The following FRMD6 variants were observed in gnomAD, a reference collection of about 807,000 sequenced individuals.
The protein encoded by FRMD6 is FERM domain containing 6.
FRMD6 carries 37 observed loss-of-function variants against 73.2 expected under a neutral mutation model. The ratio of observed to expected loss-of-function variants is 0.51; its 90% CI spans 0.39 to 0.66. The LOEUF is 0.66. Ranked by LOEUF, FRMD6 falls within the 30% of genes least tolerant of loss-of-function variation. FRMD6 has a pLI of 0.00. For synonymous variants in FRMD6, 273 were observed against 282.2 expected, an observed-to-expected ratio of 0.97 and a Z score of 0.33; for missense variants, 714 against 780.5, an observed-to-expected ratio of 0.91 and a Z score of 1.02.
In FRMD6 at chr14:51,715,390, G is replaced by C. The variant is rs183256622; in HGVS notation, c.915G>C (p.Gly305=). 3.7e-6 allele frequency: 6 copies of C among 1,613,542 alleles called. No homozygotes were observed. Among genetic ancestry groups the C allele is most frequent in the Non-Finnish European group, 5.1e-6 (6 of 1,179,724 alleles). Residue 305 remains glycine (G), a synonymous_variant, in exon 10 of 14, where the codon GGG becomes GGC. Transcript: ENST00000344768. ...CCCGGAAGCTCATATACTACACGGG[G>C]TGCCCCATGCGCTCCAGACACCTCC... ...PSARKLIYYT[G]CPMRSRHLLQ...
chr14:51,502,565 C>G (rs1018702456), intron 1 of FRMD6, among the ~76,000 whole-genome samples: 4 of 151,992 alleles, frequency 2.6e-5, no homozygotes, highest in Non-Finnish European at 5.9e-5. Context: ...TATGTGTCTG[C>G]TCTTGTACAA....
chr14:51,485,751 G>A (rs928626002), upstream of FRMD6, among the ~76,000 whole-genome samples: 1 of 152,184 alleles, frequency 6.6e-6, no homozygotes, highest in Admixed American at 6.5e-5. Flanking sequence ...TGGCTCGGTT[G>A]AAGATTATAT....
chr14:51,422,058 T>G, the FRMD6 span, among the ~76,000 whole-genome samples: 1 of 152,218 alleles, frequency 6.6e-6, no homozygotes, highest in Non-Finnish European at 1.5e-5. Context: ...TCACTTCCCT[T>G]TTTTATTTCT....
the FRMD6 span, among the ~76,000 whole-genome samples, chr14:51,429,744 T>A: frequency 6.6e-6 from 1 of 152,186 alleles, no homozygotes; most frequent in Admixed American, 6.5e-5. Context: ...ATTTTCCCCA[T>A]CTTATTTTTA....
At chr14:51,651,758 C>A (rs1286753500), upstream of FRMD6, 2 of 145,424 alleles carry the variant, frequency 1.4e-5, no homozygotes, top group Non-Finnish European at 3.0e-5. Flanking sequence ...GCGCAGCTCC[C>A]GCGGCTCGGC....
chr14:51,721,692 CAGGAAGGAAGGAAGGAAGGA>C (rs112816584), intron 11 of FRMD6, among the ~76,000 whole-genome samples: 5 of 104,382 alleles, frequency 4.8e-5, no homozygotes, highest in Non-Finnish European at 7.5e-5. Context: ...AAAATGGTCC[CAGGAAGGAAGGAAGGAAGGA>C]AGGAAGGGAG....
chr14:51,518,258 A>G (rs1884747592), intron 1 of FRMD6, among the ~76,000 whole-genome samples: 1 of 152,180 alleles, frequency 6.6e-6, no homozygotes, highest in Non-Finnish European at 1.5e-5. Context: ...GTCTCATCTC[A>G]TGGCACAACA....
At chr14:51,465,192 C>T in the FRMD6 span, among the ~76,000 whole-genome samples, 79,465 of 151,984 alleles carry the variant, frequency 0.52, 21,134 homozygotes, top group East Asian at 0.71. Flanking sequence ...AGACAAAAAA[C>T]GATAATGCTA....
At chr14:51,623,628 TCA>T (rs780948235) in intron 2 of FRMD6, among the ~76,000 whole-genome samples, 1 of 152,188 alleles carries the variant, frequency 6.6e-6, no homozygotes, top group Non-Finnish European at 1.5e-5. Context: ...TTCCCAGATA[TCA>T]CAGTTTCCTG....
chr14:51,530,251 A>G (rs1052111365), intron 1 of FRMD6, among the ~76,000 whole-genome samples: 4 of 152,186 alleles, frequency 2.6e-5, no homozygotes, highest in Non-Finnish European at 4.4e-5. Flanking sequence ...GGGTTACTGT[A>G]GCTCTCTTCC....
At chr14:51,419,409 A>C in the FRMD6 span, among the ~76,000 whole-genome samples, 12 of 152,174 alleles carry the variant, frequency 7.9e-5, no homozygotes, top group Non-Finnish European at 1.5e-4. Context: ...GTAATTCCAA[A>C]GTGCTGGGAT....
At chr14:51,412,990 A>ATTTTTTTTTTTTT in the FRMD6 span, among the ~76,000 whole-genome samples, 6 of 134,138 alleles carry the variant, frequency 4.5e-5, no homozygotes, top group African/African-American at 1.7e-4. Context: ...CCATAGTTAA[A>ATTTTTTTTTTTTT]TTTTTTTTTT....
chr14:51,686,907 A>C (rs983326441), intron 1 of FRMD6, among the ~76,000 whole-genome samples: 1 of 152,160 alleles, frequency 6.6e-6, no homozygotes, highest in Non-Finnish European at 1.5e-5. Context: ...TTGCCATTTC[A>C]TTGGAGCCTT....
chr14:51,547,912 G>A (rs1327516484), intron 1 of FRMD6: 1 of 151,834 alleles, frequency 6.6e-6, no homozygotes, highest in Non-Finnish European at 1.5e-5. Context: ...ACTATCTTGG[G>A]TCTTTTGTAA....
intron 11 of FRMD6, among the ~76,000 whole-genome samples, 196 bp from the exon 12 acceptor site, chr14:51,721,753 A>AGGAGGGAAGGAG (rs1555340789): frequency 1.2e-3 from 133 of 108,640 alleles, no homozygotes; most frequent in African/African-American, 3.9e-3. Flanking sequence ...GAAGGGAGGA[A>AGGAGGGAAGGAG]GGAAGGAGGG....
chr14:51,466,562 ATATGT>A, the FRMD6 span, among the ~76,000 whole-genome samples: 7 of 152,338 alleles, frequency 4.6e-5, no homozygotes, highest in African/African-American at 1.7e-4. Context: ...AATTGGTTAT[ATATGT>A]ATAGGTGTAT....
At chr14:51,569,914 C>G (rs1387015781) in intron 1 of FRMD6, among the ~76,000 whole-genome samples, 1 of 151,730 alleles carries the variant, frequency 6.6e-6, no homozygotes, top group Admixed American at 6.6e-5. Flanking sequence ...CTCCTGGGTT[C>G]ACGCCATTCT....
At chr14:51,573,846 G>T (rs1888267323) in intron 2 of FRMD6, among the ~76,000 whole-genome samples, 1 of 152,132 alleles carries the variant, frequency 6.6e-6, no homozygotes, top group Admixed American at 6.5e-5. Context: ...CAGACCACAG[G>T]CTGGTTGTCT....
intron 2 of FRMD6, among the ~76,000 whole-genome samples, chr14:51,605,014 C>T (rs1297253855): frequency 1.3e-5 from 2 of 152,112 alleles, no homozygotes; most frequent in African/African-American, 4.8e-5. Flanking sequence ...GTAAAACAAA[C>T]AGAAACCAAC....
Sources: allele counts gnomAD v4.1 joint callset (sites outside exome capture counted in the v4.1 genomes callset), GRCh38; gene constraint gnomAD v4.1.1; transcripts MANE v1.5; gene names NCBI Gene and HGNC (gene_info 2026-07-23, HGNC 2026-07-21).